Variants in FLNC observed in about 807,000 individuals in gnomAD.
FLNC encodes the protein filamin C, also known as filamin-C.
FLNC carries 91 observed loss-of-function variants against 254.3 expected under a neutral mutation model. The ratio of observed to expected loss-of-function variants is 0.36; its 90% CI spans 0.30 to 0.43. The LOEUF is 0.43. FLNC is among the 20% of genes least tolerant of loss of function. FLNC has a pLI of 1.00. For missense variants in FLNC, 2,853 were observed against 3,802.6 expected (o/e 0.75, Z 6.57); for synonymous variants, 1,430 against 1,577.2 (o/e 0.91, Z 2.21).
In FLNC at chr7:128,843,569, G is replaced by A. The variant is rs751322775; in HGVS notation, c.2803G>A (p.Val935Ile). 1 of 1,613,800 alleles carries A rather than the reference G, an allele frequency of 6.2e-7. No individual in the cohort carries two copies. The highest frequency in any genetic ancestry group is 8.5e-7 in the Non-Finnish European group (1 of 1,180,012). Residue 935 changes from valine to isoleucine, a missense_variant, in exon 18 of 48, where the codon GTC (valine) becomes ATC (isoleucine). Physicochemically the swap from Val to Ile is conservative, Grantham distance 29. Coordinates refer to ENST00000325888, the MANE Select transcript of FLNC (RefSeq NM_001458.5). ...DYSYTVKYTA[V>I]QQGNMAVTVT... ...CTCCTACACTGTCAAGTACACCGCT[G>A]TCCAGCAGGTGCGCTCTGCCCCTCC...
chr7:128,840,558 G>C lies in FLNC; in HGVS notation c.1560G>C (p.Glu520Asp). Residue 520 changes from glutamate (E) to aspartate (D), a missense_variant, in exon 10 of 48, where the codon GAG becomes GAC. By Grantham distance (45) the Glu-to-Asp change is conservative. This residue lies in a region of FLNC where 1,573 missense variants were observed against 1,883.5 expected (regional missense o/e 0.84). Coordinates refer to ENST00000325888, the MANE Select transcript of FLNC (RefSeq NM_001458.5). The part of the protein sequence containing the change: ...KVTVKGPKGT[E>D]EPVKVREAGD... ...CCCCCATCTCCTCAGAGGGCACAGA[G>C]GAGCCAGTGAAGGTGCGGGAGGCTG... 1 of 1,614,214 alleles carries C rather than the reference G, an allele frequency of 6.2e-7. No individual in the cohort carries two copies. Among genetic ancestry groups the C allele is most frequent in the Non-Finnish European group, 8.5e-7 (1 of 1,180,038 alleles).
rs545910222 is a variant in FLNC at position 128,831,654 on chromosome 7, AG to A, written c.352+670del. ...CTCCTCCTGCTTCAGCCTGCGGTGG[AG>A]GGGGCTTCCGCAAGTCCAGGCCCTG... On this transcript the variant is annotated intron_variant, in intron 1 of 47. Transcript: ENST00000325888. Among the ~76,000 whole-genome samples, 559 of 152,232 alleles carry A rather than the reference AG, an allele frequency of 3.7e-3. 1 individual carries two copies. Among genetic ancestry groups the A allele is most frequent in the South Asian group, 7.3e-3 (35 of 4,822 alleles).
chr7:128,849,942 C>A, intron 30 of FLNC, 34 bp from the exon 31 acceptor site: 1 of 1,447,692 alleles, frequency 6.9e-7, no homozygotes, highest in Non-Finnish European at 9.5e-7. Flanking sequence ...TGTGAGGCTG[C>A]CACACCCTGT....
chr7:128,856,403 T>G lies in FLNC; in HGVS notation c.7252-115T>G. ...TGGCAGGCAGGGGCCAGGCTGGGCA[T>G]GGGGTGGCAGCAGCCTTTGGGCTGG... On this transcript the variant is annotated intron_variant, in intron 43 of 47. Coordinates refer to ENST00000325888, the MANE Select transcript of FLNC (RefSeq NM_001458.5). This position sits in a 1 kb window ranked among gnomAD's most constrained non-coding sequence, Gnocchi z 5.9. 6.5e-6 allele frequency: 9 copies of G among 1,376,902 alleles called. No homozygotes were observed. Among genetic ancestry groups the G allele is most frequent in the South Asian group, 1.2e-5 (1 of 84,612 alleles). 85.3% of individuals were successfully genotyped at this position (1,376,902 alleles called of 1,614,324 possible). A position where few individuals can be genotyped will look rare whatever the true frequency, so the allele number is the denominator to read the frequency against.
intron 10 of FLNC, 25 bp from the exon 11 acceptor site, chr7:128,840,809 G>A (rs544470543): frequency 3.7e-6 from 6 of 1,613,920 alleles, no homozygotes; most frequent in Middle Eastern, 1.7e-4. Flanking sequence ...TTCCTGGCAT[G>A]GACACCAGCT....
chr7:128,843,591 C>T lies in FLNC; in HGVS notation c.2811+14C>T, dbSNP rs780344743. 7.4e-5 allele frequency: 119 copies of T among 1,613,470 alleles called. No homozygotes were observed. Among genetic ancestry groups the T allele is most frequent in the Non-Finnish European group, 9.7e-5 (115 of 1,179,946 alleles). ...GCTGTCCAGCAGGTGCGCTCTGCCC[C>T]TCCCATGCTACCGCCCGGCCGGCCC... On this transcript the variant is annotated intron_variant, in intron 18 of 47. Coordinates refer to ENST00000325888, the MANE Select transcript of FLNC (RefSeq NM_001458.5).
Position 128,846,399 on chromosome 7 carries a change from G to A in FLNC, c.4063G>A (p.Ala1355Thr). 6.2e-7 allele frequency: 1 copy of A among 1,610,062 alleles called. No homozygotes were observed. The highest frequency in any genetic ancestry group is 8.5e-7 in the Non-Finnish European group (1 of 1,180,012). ...TEGCDPTRVR[A>T]FGPGLEGGLV... ...GGGCTGTGATCCCACCCGCGTCCGAGCCTTCGGGCCAGGCCTGGAGGGTGG... is the reference window on the plus strand; with the variant it reads ...GGGCTGTGATCCCACCCGCGTCCGAACCTTCGGGCCAGGCCTGGAGGGTGG... The change falls in exon 23 of 48, where the codon GCC becomes ACC. Residue 1355 changes from alanine to threonine, a missense_variant. Around this residue, in one of 10 missense-constraint regions of FLNC, gnomAD observed 1,573 missense variants for 1,883.5 expected, o/e 0.84. Transcript: ENST00000325888.
In FLNC at chr7:128,848,720, G is replaced by T. The variant is rs1808673623; in HGVS notation, c.4737+3G>T. 6.2e-7 allele frequency: 1 copy of T among 1,613,686 alleles called. No individual in the cohort carries two copies. The highest frequency in any genetic ancestry group is 8.5e-7 in the Non-Finnish European group (1 of 1,180,038). On this transcript the variant is annotated splice_donor_region_variant and intron_variant, in intron 27 of 47. Coordinates refer to ENST00000325888, the MANE Select transcript of FLNC (RefSeq NM_001458.5). ...GGTTGCTCACTGTCCAGATCTTGGT[G>T]AGTCTCTGTGCATCCCACCCCGCAG...
intron 20 of FLNC, 125 bp from the exon 21 acceptor site, chr7:128,844,533 G>A: frequency 9.9e-7 from 1 of 1,006,034 alleles, no homozygotes; most frequent in Middle Eastern, 2.3e-4. Context: ...TCATCACCTG[G>A]GATTGTTATA....
In FLNC at chr7:128,857,219, T is replaced by C; in HGVS notation, c.7663T>C (p.Cys2555Arg). Reference protein sequence around the residue: ...PSKVQLDCRECPEGHVVTYTP... With the variant: ...PSKVQLDCRERPEGHVVTYTP... Reference sequence around the variant, plus strand: ...CAAGGTGCAGCTGGACTGTCGGGAGTGTCCTGAGGGCCATGTGGTCACTTA... The same window carrying C: ...CAAGGTGCAGCTGGACTGTCGGGAGCGTCCTGAGGGCCATGTGGTCACTTA... The change falls in exon 46 of 48, where the codon TGT becomes CGT. Residue 2555 changes from cysteine to arginine, a missense_variant. By Grantham distance (180) the Cys-to-Arg change is radical. Transcript: ENST00000325888. This position sits in a 1 kb window ranked among gnomAD's most constrained non-coding sequence, Gnocchi z 4.5. 1 of 1,613,790 alleles carries C rather than the reference T, an allele frequency of 6.2e-7. No individual in the cohort carries two copies. The highest frequency in any genetic ancestry group is 8.5e-7 in the Non-Finnish European group (1 of 1,179,914).
rs1363938739 is a variant in FLNC, at chr7:128,858,000, C to A, written c.7781-8C>A. 4 of 1,501,854 alleles carry A rather than the reference C, an allele frequency of 2.7e-6. No homozygotes were observed. Among genetic ancestry groups the A allele is most frequent in the Non-Finnish European group, 2.7e-6 (3 of 1,091,206 alleles). 93.0% of individuals were successfully genotyped at this position (1,501,854 alleles called of 1,614,324 possible). Reference sequence around the variant, plus strand: ...ACTAGGTTTGTGCCCCCTCCACCCACCCCTCAGGTCCGAGGCTGTCCGGAG... The same window carrying A: ...ACTAGGTTTGTGCCCCCTCCACCCAACCCTCAGGTCCGAGGCTGTCCGGAG... On this transcript the variant is annotated splice_region_variant and splice_polypyrimidine_tract_variant and intron_variant, in intron 46 of 47. Transcript: ENST00000325888. The surrounding 1 kb of genome is among the most constrained non-coding windows in gnomAD (Gnocchi z 4.5).
At position 128,846,413 on chromosome 7, in the gene FLNC, C is replaced by A. The variant is rs1245787103; in HGVS notation, c.4077C>A (p.Gly1359=). The A allele has an allele frequency of 6.2e-7, 1 of 1,607,644 alleles. No individual in the cohort carries two copies. The highest frequency in any genetic ancestry group is 8.5e-7 in the Non-Finnish European group (1 of 1,180,002). Residue 1359 remains glycine (G), a synonymous_variant, in exon 23 of 48, where the codon GGC becomes GGA. Transcript: ENST00000325888. Reference sequence around the variant, plus strand: ...CCCGCGTCCGAGCCTTCGGGCCAGGCCTGGAGGGTGGCTTGGTCAACAAGG... The same window carrying A: ...CCCGCGTCCGAGCCTTCGGGCCAGGACTGGAGGGTGGCTTGGTCAACAAGG... ...DPTRVRAFGP[G]LEGGLVNKAN...
chr7:128,846,501 C>T, intron 23 of FLNC, 38 bp downstream of exon 23: 5 of 1,596,362 alleles, frequency 3.1e-6, no homozygotes, highest in Non-Finnish European at 4.2e-6. Flanking sequence ...CTGTGACCAC[C>T]CTTTCCCAGC....
Position 128,847,700 on chromosome 7 carries a change from G to A in FLNC, c.4292G>A (p.Ser1431Asn). 1 of 1,614,010 alleles carries A rather than the reference G, an allele frequency of 6.2e-7. No individual in the cohort carries two copies. Among genetic ancestry groups the A allele is most frequent in the Non-Finnish European group, 8.5e-7 (1 of 1,179,936 alleles). The change falls in exon 25 of 48, where the codon AGC becomes AAC. Residue 1431 changes from serine to asparagine, a missense_variant. By Grantham distance (46) the Ser-to-Asn change is conservative. Transcript: ENST00000325888. ...TCTAATGTCCTTCTCCTCACAGGGA[G>A]CCCGTTCCGCGTGCCAGTGAAGGAT... Reference protein sequence around the residue: ...ITFGGRPIPGSPFRVPVKDVV... With the variant: ...ITFGGRPIPGNPFRVPVKDVV...
At position 128,844,830 on chromosome 7, in the gene FLNC, T is replaced by C. The variant is rs749321805; in HGVS notation, c.3365T>C (p.Leu1122Pro). The C allele has an allele frequency of 6.2e-7, 1 of 1,614,128 alleles. No individual in the cohort carries two copies. The highest frequency in any genetic ancestry group is 8.5e-7 in the Non-Finnish European group (1 of 1,180,032). ...GATGGCTCATGTGCTGTCAGCTACC[T>C]GCCCACGGAGCCTGGCGAGTACACC... is the stretch of plus-strand genomic sequence containing the variant. ...NGDGSCAVSYLPTEPGEYTIN... is the reference protein window; with the variant it reads ...NGDGSCAVSYPPTEPGEYTIN... Residue 1122 changes from leucine to proline, a missense_variant, in exon 21 of 48, where the codon CTG (leucine) becomes CCG (proline). Physicochemically the swap from Leu to Pro is moderately conservative, Grantham distance 98. Around this residue, in one of 10 missense-constraint regions of FLNC, gnomAD observed 1,573 missense variants for 1,883.5 expected, o/e 0.84. Coordinates refer to ENST00000325888, the MANE Select transcript of FLNC (RefSeq NM_001458.5).
At chr7:128,847,015 G>A in intron 24 of FLNC, 110 bp downstream of exon 24, 2 of 1,412,638 alleles carry the variant, frequency 1.4e-6, no homozygotes, top group Non-Finnish European at 2.0e-6. Context: ...TCATAGAGAG[G>A]ACAGCCTAGA....
At position 128,835,544 on chromosome 7, in the gene FLNC, C is replaced by G; in HGVS notation, c.571C>G (p.Leu191Val). The change falls in exon 2 of 48, where the codon CTG becomes GTG. Residue 191 changes from leucine (L) to valine (V), a missense_variant. Transcript: ENST00000325888. The surrounding 1 kb of genome is among the most constrained non-coding windows in gnomAD (Gnocchi z 5.3). ...FNRDWQDGKA[L>V]GALVDNCAPG... ...CCGTGACTGGCAGGACGGCAAAGCTCTGGGCGCCCTGGTGGACAACTGCGC... is the reference window on the plus strand; with the variant it reads ...CCGTGACTGGCAGGACGGCAAAGCTGTGGGCGCCCTGGTGGACAACTGCGC... 6.2e-7 allele frequency: 1 copy of G among 1,613,482 alleles called. No individual in the cohort carries two copies. Among genetic ancestry groups the G allele is most frequent in the Non-Finnish European group, 8.5e-7 (1 of 1,180,014 alleles).
rs765604975 is a variant in FLNC at position 128,837,475 on chromosome 7, G to A, written c.777G>A (p.Lys259=). The part of the protein sequence containing the change: ...SVMTYLSQFP[K]AKLKPGAPVR... ...TGACCTACCTGTCCCAGTTCCCCAA[G>A]GCCAAGCTCAAACCTGGTGCCCCTG... The change falls in exon 4 of 48, where the codon AAG becomes AAA. Residue 259 remains lysine (K), a synonymous_variant. Transcript: ENST00000325888. The A allele has an allele frequency of 5.0e-6, 8 of 1,614,170 alleles. No homozygotes were observed. In the East Asian group the frequency reaches 1.8e-4, roughly 36 times the overall value.
Position 128,852,633 on chromosome 7 carries a change from C to T in FLNC, c.5885C>T (p.Ser1962Phe). 1 of 1,613,336 alleles carries T rather than the reference C, an allele frequency of 6.2e-7. No homozygotes were observed. The highest frequency in any genetic ancestry group is 1.1e-5 in the South Asian group (1 of 91,086). The change falls in exon 36 of 48, where the codon TCC becomes TTC. Residue 1962 changes from serine (S) to phenylalanine (F), a missense_variant. This residue lies in a region of FLNC where 551 missense variants were observed against 835.0 expected (regional missense o/e 0.66). Transcript: ENST00000325888. ...MRTSQLNVGT[S>F]TDVSLKITES... ...ACCTCACAGCTGAATGTGGGCACCT[C>T]CACGGACGTGTCACTGAAGATCACC...
Sources: gnomAD v4.1 joint callset for allele counts (sites outside exome capture counted in the v4.1 genomes callset) on GRCh38, gnomAD v4.1.1 for gene constraint, gnomAD v4.1.1 regional missense constraint, Gnocchi (gnomAD v3.1) non-coding constraint, MANE v1.5 for transcripts, NCBI Gene and HGNC (gene_info 2026-07-23, HGNC 2026-07-21) for gene names.